The following PLA2G4E variants were observed in gnomAD, a reference collection of about 807,000 sequenced individuals.
PLA2G4E encodes the protein phospholipase A2 group IVE.
Under a neutral mutation model 109.1 loss-of-function variants are expected in PLA2G4E, and 84 were observed. The observed-to-expected ratio is 0.77, with a 90% CI of 0.65 to 0.92. The LOEUF (loss-of-function observed/expected upper bound fraction) is 0.92. Among genes scored for constraint, PLA2G4E ranks in the 40% least tolerant of loss-of-function variants. The pLI is 0.00. For synonymous variants in PLA2G4E, 469 were observed against 436.1 expected (o/e 1.08, Z -0.94); for missense variants, 1,057 against 1,076.6 (o/e 0.98, Z 0.25).
Position 42,013,619 on chromosome 15 carries a change from C to G in PLA2G4E, c.256+66G>C, listed in dbSNP as rs1193194932. The G allele has an allele frequency of 6.1e-6, 9 of 1,468,336 alleles. No individual in the cohort carries two copies. The East Asian group carries it at 9.9e-5, about 16-fold the overall frequency. The allele number at this position is 1,468,336 out of a possible 1,614,324, so 91.0% of individuals were successfully genotyped here. ...CACACGGATCCACCTGACCATTTCT[C>G]CAGCCAGGGCCTCTTCCATCCAGAT... On this transcript the variant is annotated intron_variant, in intron 2 of 19. Transcript: ENST00000399518.
chr15:42,022,860 T>C (rs1390381951), intron 1 of PLA2G4E, among the ~76,000 whole-genome samples: 3 of 152,046 alleles, frequency 2.0e-5, no homozygotes, highest in African/African-American at 7.3e-5. Flanking sequence ...AAGAACTGGC[T>C]AGGGAACACA....
intron 13 of PLA2G4E, among the ~76,000 whole-genome samples, 188 bp from the exon 14 acceptor site, chr15:41,990,423 C>T (rs1240974938): frequency 6.6e-6 from 1 of 152,142 alleles, no homozygotes; most frequent in Non-Finnish European, 1.5e-5. Context: ...AGGCACCACC[C>T]CCTCGGGCTG....
At chr15:42,050,246 T>C (rs933096410) in intron 1 of PLA2G4E, among the ~76,000 whole-genome samples, 4 of 152,188 alleles carry the variant, frequency 2.6e-5, no homozygotes, top group Admixed American at 6.5e-5. Context: ...AGTTTCTTCA[T>C]CAAATGCAGA....
chr15:42,012,773 C>G (rs1205941868), intron 2 of PLA2G4E, among the ~76,000 whole-genome samples: 1 of 152,212 alleles, frequency 6.6e-6, no homozygotes, highest in Non-Finnish European at 1.5e-5. Flanking sequence ...TCTCAGGGCT[C>G]TGTGTCTTCT....
chr15:42,019,888 G>T (rs999120621), intron 1 of PLA2G4E, among the ~76,000 whole-genome samples: 1 of 152,192 alleles, frequency 6.6e-6, no homozygotes, highest in African/African-American at 2.4e-5. Flanking sequence ...AGCCACATTT[G>T]GGGTCCCGGG....
At chr15:41,987,792 G>A (rs1253671361) in intron 16 of PLA2G4E, among the ~76,000 whole-genome samples, 1 of 152,116 alleles carries the variant, frequency 6.6e-6, no homozygotes, top group Non-Finnish European at 1.5e-5. Flanking sequence ...CCACGTCTTA[G>A]GCCATAGGTG....
intron 1 of PLA2G4E, among the ~76,000 whole-genome samples, chr15:42,045,867 G>T (rs187304844): frequency 6.6e-6 from 1 of 151,952 alleles, no homozygotes; most frequent in African/African-American, 2.4e-5. Context: ...TATTTTCAAC[G>T]GCCCACCTGA....
intron 2 of PLA2G4E, among the ~76,000 whole-genome samples, chr15:42,009,426 T>C (rs1296644447): frequency 6.6e-6 from 1 of 152,198 alleles, no homozygotes; most frequent in East Asian, 1.9e-4. Context: ...CCATCTCCTG[T>C]CTTGCCCCAC....
At chr15:42,043,095 T>C (rs1335122163) in intron 1 of PLA2G4E, among the ~76,000 whole-genome samples, 1 of 152,160 alleles carries the variant, frequency 6.6e-6, no homozygotes, top group Non-Finnish European at 1.5e-5. Flanking sequence ...CAGAGGAGAC[T>C]CCTACACTGG....
intron 1 of PLA2G4E, among the ~76,000 whole-genome samples, chr15:42,032,643 C>T (rs191087792): frequency 6.6e-6 from 1 of 152,346 alleles, no homozygotes; most frequent in African/African-American, 2.4e-5. Flanking sequence ...GTGGACCATC[C>T]AACCAAGTGG....
At chr15:42,030,539 C>T (rs960293178) in intron 1 of PLA2G4E, among the ~76,000 whole-genome samples, 4 of 152,178 alleles carry the variant, frequency 2.6e-5, no homozygotes, top group East Asian at 1.9e-4. Flanking sequence ...GAAATCTGCA[C>T]GTTTGTGGAG....
intron 8 of PLA2G4E, 47 bp from the exon 9 acceptor site, chr15:42,000,047 G>C: frequency 6.3e-7 from 1 of 1,577,612 alleles, no homozygotes; most frequent in Non-Finnish European, 8.6e-7. Flanking sequence ...GAGCTCCTCT[G>C]GCACCCCCCA....
intron 2 of PLA2G4E, among the ~76,000 whole-genome samples, chr15:42,010,872 T>G (rs1056519704): frequency 2.0e-5 from 3 of 152,220 alleles, no homozygotes; most frequent in Admixed American, 1.3e-4. Context: ...TCACTGCCAT[T>G]TGGCCTCTTG....
intron 12 of PLA2G4E, among the ~76,000 whole-genome samples, chr15:41,993,505 A>G (rs2068285774): frequency 6.6e-6 from 1 of 152,098 alleles, no homozygotes; most frequent in Non-Finnish European, 1.5e-5. Context: ...GTTAATTCCT[A>G]TAATTCTGAT....
In PLA2G4E at chr15:42,002,201, G is replaced by A. The variant is rs908941061; in HGVS notation, c.609+453C>T. Among the ~76,000 whole-genome samples, 7 of 141,392 alleles carry A rather than the reference G, an allele frequency of 5.0e-5. No individual in the cohort carries two copies. The East Asian group carries it at 1.5e-3, about 31-fold the overall frequency. 92.8% of individuals were successfully genotyped at this position (141,392 alleles called of 152,430 possible). On this transcript the variant is annotated intron_variant, in intron 6 of 19. Transcript: ENST00000399518. ...GCGTGCTTGAGCACGGGAGGCAGAG[G>A]TTGCAGTGATCCGAGATCGCAGCAC... is the stretch of plus-strand genomic sequence containing the variant.
At chr15:42,021,427 G>C (rs2068647444) in intron 1 of PLA2G4E, among the ~76,000 whole-genome samples, 1 of 151,412 alleles carries the variant, frequency 6.6e-6, no homozygotes, top group Admixed American at 6.6e-5. Flanking sequence ...AGGAGGATGC[G>C]ACCGTCGCTC....
At chr15:42,028,489 C>G (rs28436042) in intron 1 of PLA2G4E, among the ~76,000 whole-genome samples, 1 of 151,940 alleles carries the variant, frequency 6.6e-6, no homozygotes, top group African/African-American at 2.4e-5. Context: ...TCACTGCAAC[C>G]TCCACCTCCT....
chr15:41,994,021 G>T (rs560048279), intron 12 of PLA2G4E, among the ~76,000 whole-genome samples: 1 of 151,424 alleles, frequency 6.6e-6, no homozygotes, highest in Non-Finnish European at 1.5e-5. Context: ...CCCTCAACCT[G>T]CTGGAAGCAA....
intron 1 of PLA2G4E, among the ~76,000 whole-genome samples, chr15:42,048,745 G>T (rs1404639094): frequency 6.6e-6 from 1 of 152,250 alleles, no homozygotes; most frequent in African/African-American, 2.4e-5. Flanking sequence ...AGAAACTGAA[G>T]TTCAAAGAGG....
Sources: gnomAD v4.1 joint callset for allele counts (sites outside exome capture counted in the v4.1 genomes callset) on GRCh38, gnomAD v4.1.1 for gene constraint, MANE v1.5 for transcripts, NCBI Gene and HGNC (gene_info 2026-07-23, HGNC 2026-07-21) for gene names.